Variants in EXOC2 observed in about 807,000 individuals in gnomAD.
EXOC2 encodes the protein exocyst complex component 2, also known as SEC5-like 1.
EXOC2 carries 70 observed loss-of-function variants against 131.8 expected under a neutral mutation model. That is an observed-to-expected ratio of 0.53 (90% CI 0.44 to 0.65). The LOEUF (loss-of-function observed/expected upper bound fraction) is 0.65. EXOC2 is among the 30% of genes least tolerant of loss of function. The pLI, the probability that EXOC2 is intolerant of heterozygous loss-of-function variation, is 0.00. For missense variants in EXOC2, 923 were observed against 1,108.6 expected (o/e 0.83, Z 2.38); for synonymous variants, 411 against 398.4 (o/e 1.03, Z -0.38).
chr6:487,168 T>C (rs1402013732), intron 27 of EXOC2, among the ~76,000 whole-genome samples: 1 of 152,196 alleles, frequency 6.6e-6, no homozygotes, highest in Non-Finnish European at 1.5e-5. Context: ...GCACGTGGCA[T>C]GGCTGCACCC....
At chr6:521,628 G>A (rs565835644) in intron 23 of EXOC2, among the ~76,000 whole-genome samples, 2 of 151,858 alleles carry the variant, frequency 1.3e-5, no homozygotes, top group South Asian at 4.2e-4. Flanking sequence ...CCAGGCTCAC[G>A]TGATCCTCCC....
Position 486,624 on chromosome 6 carries a change from G to T in EXOC2, c.*47C>A, listed in dbSNP as rs147338501. On this transcript the variant is annotated 3_prime_UTR_variant, in exon 28 of 28. Coordinates refer to ENST00000230449, the MANE Select transcript of EXOC2 (RefSeq NM_018303.6). ...CTTTAGGGTACTTAGAGAGTGAACA[G>T]TCTTATTACGTGTTATTTTCCTGGA... 2 of 1,497,644 alleles carry T rather than the reference G, an allele frequency of 1.3e-6. No individual in the cohort carries two copies. The highest frequency in any genetic ancestry group is 2.8e-5 in the African/African-American group (2 of 72,652). 92.8% of individuals were successfully genotyped at this position (1,497,644 alleles called of 1,614,324 possible).
chr6:535,426 G>A (rs1221677467), intron 22 of EXOC2, among the ~76,000 whole-genome samples: 3 of 151,916 alleles, frequency 2.0e-5, no homozygotes, highest in Non-Finnish European at 2.9e-5. Flanking sequence ...ATAAGCTCCT[G>A]GGCAAGACTG....
chr6:623,282 C>G (rs955984021), intron 4 of EXOC2, among the ~76,000 whole-genome samples: 15 of 152,212 alleles, frequency 9.9e-5, no homozygotes, highest in African/African-American at 3.6e-4. Flanking sequence ...GCCAGCACCC[C>G]TACCCGGATG....
In EXOC2 at chr6:593,029, C is replaced by A. The variant is rs60979403; in HGVS notation, c.1074-442G>T. Reference sequence around the variant, plus strand: ...TGGGCGACAGAGTGAGACGCCATCTCCAAACAAACAAACAAGCAAACAAAA... The same window carrying A: ...TGGGCGACAGAGTGAGACGCCATCTACAAACAAACAAACAAGCAAACAAAA... On this transcript the variant is annotated intron_variant, in intron 10 of 27. Transcript: ENST00000230449. Among the ~76,000 whole-genome samples, 343 of 151,974 alleles carry A rather than the reference C, an allele frequency of 2.3e-3. 2 individuals carry two copies. The highest frequency in any genetic ancestry group is 8.0e-3 in the African/African-American group (330 of 41,428).
intron 23 of EXOC2, among the ~76,000 whole-genome samples, chr6:531,035 C>T (rs558778235): frequency 3.9e-5 from 6 of 152,288 alleles, no homozygotes; most frequent in Non-Finnish European, 7.3e-5. Context: ...CTTGAGCATC[C>T]GTGGAATCTG....
At chr6:503,133 G>C (rs1764324830) in intron 23 of EXOC2, among the ~76,000 whole-genome samples, 1 of 151,570 alleles carries the variant, frequency 6.6e-6, no homozygotes, top group Non-Finnish European at 1.5e-5. Flanking sequence ...TCTCCAAAAA[G>C]CTAATCGCTG....
At chr6:578,335 G>A (rs941494873) in intron 11 of EXOC2, among the ~76,000 whole-genome samples, 1 of 152,178 alleles carries the variant, frequency 6.6e-6, no homozygotes, top group Non-Finnish European at 1.5e-5. Flanking sequence ...GGAATTGCAG[G>A]CCCGGGGGAT....
At chr6:608,932 A>G (rs1406022765) in intron 7 of EXOC2, among the ~76,000 whole-genome samples, 2 of 152,254 alleles carry the variant, frequency 1.3e-5, no homozygotes, top group Non-Finnish European at 2.9e-5. Context: ...AACAGCTTCA[A>G]TAAGTGTTTG....
Position 562,764 on chromosome 6 carries a change from T to G in EXOC2, c.1851+20A>C, listed in dbSNP as rs1757765929. On this transcript the variant is annotated intron_variant, in intron 17 of 27. Transcript: ENST00000230449. ...TAAATACACACTAATGACTAATAATTGAAAAGAACTTAAACTTACTAGAGA... is the reference window on the plus strand; with the variant it reads ...TAAATACACACTAATGACTAATAATGGAAAAGAACTTAAACTTACTAGAGA... The G allele has an allele frequency of 6.5e-7, 1 of 1,544,922 alleles. No individual in the cohort carries two copies. Among genetic ancestry groups the G allele is most frequent in the African/African-American group, 1.4e-5 (1 of 72,310 alleles).
chr6:582,000 C>A (rs1758931442), intron 11 of EXOC2, among the ~76,000 whole-genome samples: 1 of 152,112 alleles, frequency 6.6e-6, no homozygotes, highest in African/African-American at 2.4e-5. Flanking sequence ...TCAGGAGTTG[C>A]AGAAATAATT....
At chr6:592,838 C>A (rs1366906760) in intron 10 of EXOC2, among the ~76,000 whole-genome samples, 1 of 151,960 alleles carries the variant, frequency 6.6e-6, no homozygotes, top group Non-Finnish European at 1.5e-5. Flanking sequence ...CCAGCCTGGC[C>A]AACGTGCTGA....
chr6:595,226 T>C (rs1287166976), intron 10 of EXOC2, among the ~76,000 whole-genome samples: 7 of 152,068 alleles, frequency 4.6e-5, no homozygotes, highest in Non-Finnish European at 1.5e-5. Context: ...AGTGGTAATC[T>C]GATTTTCCCC....
At chr6:572,983 A>G (rs575765932) in intron 12 of EXOC2, among the ~76,000 whole-genome samples, 5 of 152,344 alleles carry the variant, frequency 3.3e-5, no homozygotes, top group Admixed American at 3.3e-4. Flanking sequence ...TCCTCTGGAT[A>G]GTAAACGTCT....
chr6:683,460 C>T (rs900983544), intron 1 of EXOC2, among the ~76,000 whole-genome samples: 7 of 152,202 alleles, frequency 4.6e-5, no homozygotes, highest in Admixed American at 2.6e-4. Context: ...TCATTTGTCT[C>T]GACTTGTCAA....
chr6:681,931 C>T (rs1400338190), intron 1 of EXOC2, among the ~76,000 whole-genome samples: 1 of 152,230 alleles, frequency 6.6e-6, no homozygotes, highest in Non-Finnish European at 1.5e-5. Context: ...TCACTGCTAA[C>T]TCCTGGAGGA....
intron 11 of EXOC2, among the ~76,000 whole-genome samples, chr6:591,709 C>T (rs1380567429): frequency 1.3e-5 from 2 of 152,110 alleles, no homozygotes; most frequent in Non-Finnish European, 2.9e-5. Flanking sequence ...TGTCTGTTGT[C>T]CTGACTACTG....
At chr6:570,067 G>A (rs1296798793) in intron 13 of EXOC2, among the ~76,000 whole-genome samples, 1 of 152,088 alleles carries the variant, frequency 6.6e-6, no homozygotes, top group Non-Finnish European at 1.5e-5. Context: ...ATGCAAATGA[G>A]GGAAAAACAC....
intron 1 of EXOC2, among the ~76,000 whole-genome samples, chr6:676,014 C>A (rs1296386925): frequency 9.2e-6 from 1 of 108,900 alleles, no homozygotes; most frequent in Non-Finnish European, 1.9e-5. Context: ...AAAGGACAGC[C>A]TCCTCTGGCA....
Sources: allele counts gnomAD v4.1 joint callset (sites outside exome capture counted in the v4.1 genomes callset), GRCh38; gene constraint gnomAD v4.1.1; transcripts MANE v1.5; gene names NCBI Gene and HGNC (gene_info 2026-07-23, HGNC 2026-07-21).